MDN1: variants seen among roughly 807,000 people sequenced by gnomAD.
MDN1 encodes midasin AAA ATPase 1, also known as midasin.
A neutral mutation model predicts 669.2 loss-of-function variants in MDN1; 266 were observed. The ratio of observed to expected loss-of-function variants is 0.40; its 90% CI spans 0.36 to 0.44. The LOEUF is 0.44. Among genes scored for constraint, MDN1 ranks in the 20% least tolerant of loss-of-function variants. The probability of loss-of-function intolerance (pLI) is 1.00; values close to 1 mark genes in which losing one functional copy is unlikely to be tolerated. For missense variants in MDN1, 5,940 were observed against 6,754.0 expected, an observed-to-expected ratio of 0.88 and a Z score of 4.22; for synonymous variants, 2,385 against 2,457.1, an observed-to-expected ratio of 0.97 and a Z score of 0.87.
At chr6:89,785,708 A>G (rs1818919204) in intron 8 of MDN1, among the ~76,000 whole-genome samples, 2 of 152,234 alleles carry the variant, frequency 1.3e-5, no homozygotes, top group South Asian at 4.1e-4. Context: ...TATACACTCA[A>G]CTGTGACTGA....
intron 94 of MDN1, among the ~76,000 whole-genome samples, chr6:89,652,777 G>A (rs947008438): frequency 6.6e-6 from 1 of 152,152 alleles, no homozygotes; most frequent in Non-Finnish European, 1.5e-5. Flanking sequence ...TCAGGGCACT[G>A]TGACCCTGTG....
chr6:89,772,493 G>A (rs1004760470), intron 14 of MDN1, 80 bp downstream of exon 14: 76 of 1,512,802 alleles, frequency 5.0e-5, no homozygotes, highest in Non-Finnish European at 6.7e-5. Flanking sequence ...TGTGGTCTTT[G>A]GATTTAGTAT....
chr6:89,722,803 G>T, intron 40 of MDN1, 152 bp downstream of exon 40: 1 of 633,596 alleles, frequency 1.6e-6, no homozygotes, highest in Non-Finnish European at 2.6e-6. Context: ...CCAAGATTAT[G>T]CCATTGCACT....
intron 1 of MDN1, among the ~76,000 whole-genome samples, chr6:89,811,055 G>C (rs1350339063): frequency 6.6e-6 from 1 of 152,146 alleles, no homozygotes; most frequent in Non-Finnish European, 1.5e-5. Flanking sequence ...TTTCCAAATA[G>C]GGTCACATTC....
chr6:89,708,690 G>A (rs565115959), intron 50 of MDN1, 62 bp from the exon 51 acceptor site: 1 of 1,551,246 alleles, frequency 6.4e-7, no homozygotes, highest in South Asian at 1.1e-5. Context: ...TGCCTGGGAA[G>A]TTTCAGTTGA....
At chr6:89,718,030 T>G (rs969755506) in intron 43 of MDN1, among the ~76,000 whole-genome samples, 5 of 152,214 alleles carry the variant, frequency 3.3e-5, no homozygotes, top group African/African-American at 1.2e-4. Flanking sequence ...CTCCTATTCT[T>G]CAGTTTAAAA....
At chr6:89,757,085 A>C (rs1216748346) in intron 19 of MDN1, among the ~76,000 whole-genome samples, 2 of 152,192 alleles carry the variant, frequency 1.3e-5, no homozygotes, top group African/African-American at 4.8e-5. Flanking sequence ...GTAGTTTCTA[A>C]AGCTTCCCTA....
At chr6:89,679,804 A>G (rs986300327) in intron 74 of MDN1, among the ~76,000 whole-genome samples, 39 of 152,244 alleles carry the variant, frequency 2.6e-4, no homozygotes, top group African/African-American at 9.2e-4. Context: ...CAAGGACACC[A>G]AAGACATCAG....
chr6:89,777,516 G>A lies in MDN1; in HGVS notation c.1726-821C>T, dbSNP rs999245076. ...CTAACCCCCTCTTTGCTCAGGGACC[G>A]AAACCTAATGAAAGACCACAAGATT... On this transcript the variant is annotated intron_variant, in intron 11 of 101. Coordinates refer to ENST00000369393, the MANE Select transcript of MDN1 (RefSeq NM_014611.3). 4.6e-5 allele frequency among the ~76,000 whole-genome samples: 7 copies of A among 152,110 alleles called. No individual in the cohort carries two copies. In the South Asian group the frequency reaches 1.0e-3, roughly 23 times the overall value.
At chr6:89,741,345 A>G (rs1002093294) in intron 31 of MDN1, among the ~76,000 whole-genome samples, 1 of 152,120 alleles carries the variant, frequency 6.6e-6, no homozygotes, top group Admixed American at 6.5e-5. Context: ...GTAAAAAAAA[A>G]CACAAAAACC....
chr6:89,712,815 G>C lies in MDN1; in HGVS notation c.7219-29C>G, dbSNP rs778773776. The stretch of plus-strand genomic sequence containing the variant: ...GTAGGAGACAAAAACACAATACAGT[G>C]GTACCAACATAAAAGTGATATTCCC... On this transcript the variant is annotated intron_variant, in intron 47 of 101. Coordinates refer to ENST00000369393, the MANE Select transcript of MDN1 (RefSeq NM_014611.3). 54 of 1,592,836 alleles carry C rather than the reference G, an allele frequency of 3.4e-5. 1 individual carries two copies. In the South Asian group the frequency reaches 5.6e-4, roughly 17 times the overall value.
intron 65 of MDN1, 22 bp from the exon 66 acceptor site, chr6:89,688,830 A>C (rs758769344): frequency 3.2e-6 from 5 of 1,585,602 alleles, no homozygotes; most frequent in African/African-American, 1.3e-5. Flanking sequence ...ACATCACGGT[A>C]AAGTCAGTGA....
chr6:89,652,392 T>A, intron 94 of MDN1, 111 bp from the exon 95 acceptor site: 1 of 766,252 alleles, frequency 1.3e-6, no homozygotes. Flanking sequence ...AGTCAAATGC[T>A]CCTGAGATTC....
chr6:89,716,842 AG>A (rs1432144911), intron 43 of MDN1, 33 bp from the exon 44 acceptor site: 1 of 1,536,202 alleles, frequency 6.5e-7, no homozygotes, highest in South Asian at 1.3e-5. Context: ...CACCATCCAC[AG>A]CACTTAACTT....
chr6:89,754,161 G>A lies in MDN1; in HGVS notation c.2886C>T (p.Tyr962=), dbSNP rs753386221. ...GGGCCCGGCACAGAGTCCGAAGGCTGTAGTGAGGTCTATGGCCAGTGCCAT... is the reference window on the plus strand; with the variant it reads ...GGGCCCGGCACAGAGTCCGAAGGCTATAGTGAGGTCTATGGCCAGTGCCAT... ...LVDGTGHRPH[Y]SLRTLCRALR... Residue 962 remains tyrosine (Y), a synonymous_variant, in exon 21 of 102, where the codon TAC becomes TAT. Transcript: ENST00000369393. 3.1e-6 allele frequency: 5 copies of A among 1,614,154 alleles called. No individual in the cohort carries two copies. The highest frequency in any genetic ancestry group is 1.1e-5 in the South Asian group (1 of 91,080).
chr6:89,766,986 T>C (rs894385422), intron 15 of MDN1, among the ~76,000 whole-genome samples: 13 of 152,216 alleles, frequency 8.5e-5, no homozygotes, highest in Admixed American at 6.5e-5. Flanking sequence ...ATATCACTGT[T>C]TCTCCCTCAG....
At chr6:89,779,687 A>C (rs956310523) in intron 11 of MDN1, among the ~76,000 whole-genome samples, 1 of 152,228 alleles carries the variant, frequency 6.6e-6, no homozygotes, top group Non-Finnish European at 1.5e-5. Flanking sequence ...TCTGAAATTA[A>C]TAATAATTTG....
chr6:89,734,206 A>C (rs1225645960), intron 33 of MDN1, among the ~76,000 whole-genome samples: 1 of 151,922 alleles, frequency 6.6e-6, no homozygotes, highest in Non-Finnish European at 1.5e-5. Context: ...AATTGCTTGG[A>C]CCTGGGAGGC....
rs745961921 is a variant in MDN1, at chr6:89,700,845, C to T, written c.8439G>A (p.Val2813=). 18 of 1,613,880 alleles carry T rather than the reference C, an allele frequency of 1.1e-5. No homozygotes were observed. The highest frequency in any genetic ancestry group is 1.4e-5 in the Non-Finnish European group (17 of 1,179,958). ...GRPFPFKDKL[V]VECFSQLKVL... is the part of the protein sequence containing the mutation. The stretch of plus-strand genomic sequence containing the variant: ...CCTTCAGTTGTGAAAAACACTCCAC[C>T]ACCAGCTTGTCCTGAAACAACAACA... Residue 2813 remains valine, a synonymous_variant, in exon 56 of 102, where the codon GTG becomes GTA. Coordinates refer to ENST00000369393, the MANE Select transcript of MDN1 (RefSeq NM_014611.3).
Sources: gnomAD v4.1 joint callset for allele counts (sites outside exome capture counted in the v4.1 genomes callset) on GRCh38, gnomAD v4.1.1 for gene constraint, MANE v1.5 for transcripts, NCBI Gene and HGNC (gene_info 2026-07-23, HGNC 2026-07-21) for gene names.